The following NMNAT1 variants were observed in gnomAD, a reference collection of about 807,000 sequenced individuals.
NMNAT1 encodes the protein nicotinamide/nicotinic acid mononucleotide adenylyltransferase 1.
NMNAT1 carries 11 observed loss-of-function variants against 16.7 expected under a neutral mutation model. That is an observed-to-expected ratio of 0.66 (90% CI 0.41 to 1.09). NMNAT1 has a LOEUF of 1.09. Ranked by LOEUF, NMNAT1 falls within the 50% of genes least tolerant of loss-of-function variation. The probability of loss-of-function intolerance (pLI) is 0.00; values close to 1 mark genes in which losing one functional copy is unlikely to be tolerated. For synonymous variants in NMNAT1, 110 were observed against 119.8 expected (o/e 0.92, Z 0.53); for missense variants, 280 against 332.3 (o/e 0.84, Z 1.22).
In NMNAT1 at chr1:9,982,314, C is replaced by G. The variant is rs747791300; in HGVS notation, c.453C>G (p.Val151=). ...LEPKTKAVPK[V]KLLCGADLLE... ...TATTCTTCCCAGCTGTGCCAAAGGT[C>G]AAGCTGCTGTGTGGGGCAGATTTAT... The change falls in exon 5 of 5, where the codon GTC becomes GTG. Residue 151 remains valine (V), a synonymous_variant. Transcript: ENST00000377205. The G allele has an allele frequency of 6.8e-6, 11 of 1,611,846 alleles. No individual in the cohort carries two copies. Among genetic ancestry groups the G allele is most frequent in the Non-Finnish European group, 9.3e-6 (11 of 1,178,654 alleles).
intron 1 of NMNAT1, among the ~76,000 whole-genome samples, chr1:9,957,772 G>C (rs961917999): frequency 6.6e-6 from 1 of 152,096 alleles, no homozygotes; most frequent in African/African-American, 2.4e-5. Flanking sequence ...ACTCCCCCTC[G>C]CTTAAGTAGA....
chr1:9,958,601 G>A (rs952075432), intron 1 of NMNAT1, among the ~76,000 whole-genome samples: 3 of 151,800 alleles, frequency 2.0e-5, no homozygotes, highest in South Asian at 2.1e-4. Context: ...CACCATGCCC[G>A]ACTAATTTTT....
At chr1:9,963,167 G>T (rs577820771) in intron 1 of NMNAT1, among the ~76,000 whole-genome samples, 1 of 151,932 alleles carries the variant, frequency 6.6e-6, no homozygotes, top group African/African-American at 2.4e-5. Context: ...TTTCTTCTTG[G>T]TGAGAGAGCT....
At chr1:9,987,221 T>C (rs905683373), downstream of NMNAT1, among the ~76,000 whole-genome samples, 3 of 151,152 alleles carry the variant, frequency 2.0e-5, no homozygotes, top group African/African-American at 4.9e-5. Context: ...ACAAAACAAG[T>C]GTACTAAGTC....
intron 1 of NMNAT1, among the ~76,000 whole-genome samples, chr1:9,969,274 G>A (rs942269267): frequency 6.6e-6 from 1 of 152,090 alleles, no homozygotes; most frequent in Non-Finnish European, 1.5e-5. Flanking sequence ...TAGAGAAATA[G>A]AGATGATAAT....
downstream of NMNAT1, among the ~76,000 whole-genome samples, chr1:9,988,187 A>G (rs1013886540): frequency 6.6e-6 from 1 of 152,034 alleles, no homozygotes; most frequent in Non-Finnish European, 1.5e-5. Flanking sequence ...TAATAGAGAC[A>G]GGGTTTCTCC....
chr1:9,955,153 A>C (rs759304071), intron 1 of NMNAT1, among the ~76,000 whole-genome samples: 1 of 152,048 alleles, frequency 6.6e-6, no homozygotes, highest in African/African-American at 2.4e-5. Flanking sequence ...CTGTAATCCC[A>C]GCACTTTGGA....
chr1:9,952,689 C>T (rs1025294257), intron 1 of NMNAT1, among the ~76,000 whole-genome samples: 1 of 151,918 alleles, frequency 6.6e-6, no homozygotes, highest in Non-Finnish European at 1.5e-5. Context: ...AGGTGTGCAC[C>T]ACCACTTCTG....
chr1:9,976,264 G>T (rs1247676539), intron 3 of NMNAT1, among the ~76,000 whole-genome samples: 1 of 149,652 alleles, frequency 6.7e-6, no homozygotes, highest in Non-Finnish European at 1.5e-5. Flanking sequence ...TCCAGCCTGG[G>T]TGACAGAGCG....
At chr1:9,992,078 T>G in the NMNAT1 span, among the ~76,000 whole-genome samples, 4 of 123,886 alleles carry the variant, frequency 3.2e-5, no homozygotes, top group East Asian at 9.2e-4. Flanking sequence ...ATAAATACTT[T>G]AGGTTTAGAT....
upstream of NMNAT1, chr1:9,943,015 G>T (rs1557449669): frequency 3.1e-6 from 1 of 327,424 alleles, no homozygotes; most frequent in African/African-American, 2.2e-5. Context: ...AAACCCAGAG[G>T]CTTGGAAAAG....
At chr1:9,959,087 C>G (rs2101660850) in intron 1 of NMNAT1, among the ~76,000 whole-genome samples, 1 of 152,196 alleles carries the variant, frequency 6.6e-6, no homozygotes, top group East Asian at 1.9e-4. Flanking sequence ...GTAAGAAAAT[C>G]TTGGTCGGGC....
chr1:9,959,050 ATTACGTGTACG>A (rs1440557506), intron 1 of NMNAT1, among the ~76,000 whole-genome samples: 1 of 152,194 alleles, frequency 6.6e-6, no homozygotes, highest in East Asian at 1.9e-4. Context: ...TTCTTTTGAG[ATTACGTGTACG>A]TAGTTTCCAT....
the NMNAT1 span, among the ~76,000 whole-genome samples, chr1:9,994,313 A>G: frequency 6.6e-6 from 1 of 151,872 alleles, no homozygotes; most frequent in Non-Finnish European, 1.5e-5. Context: ...GGGTTTCACC[A>G]TGTTAGCCAG....
intron 1 of NMNAT1, among the ~76,000 whole-genome samples, chr1:9,968,395 G>A (rs568099164): frequency 2.1e-4 from 31 of 150,982 alleles, no homozygotes; most frequent in African/African-American, 7.5e-4. Context: ...TCTATGTCTT[G>A]GATCTGTATT....
chr1:9,955,331 G>A (rs1641229241), intron 1 of NMNAT1, among the ~76,000 whole-genome samples: 1 of 151,814 alleles, frequency 6.6e-6, no homozygotes, highest in Non-Finnish European at 1.5e-5. Context: ...TTGAACCCGG[G>A]AGGCGGAGGT....
At chr1:9,991,276 C>G in the NMNAT1 span, among the ~76,000 whole-genome samples, 1 of 151,986 alleles carries the variant, frequency 6.6e-6, no homozygotes, top group East Asian at 1.9e-4. Flanking sequence ...ACTTCTGCCT[C>G]CCGGGTTCAA....
chr1:9,963,772 T>C (rs989457535), intron 1 of NMNAT1, among the ~76,000 whole-genome samples: 4 of 152,048 alleles, frequency 2.6e-5, no homozygotes, highest in African/African-American at 9.7e-5. Context: ...TATCCAAAGG[T>C]CGAAGATTAA....
At chr1:9,973,247 G>A (rs1381042134) in intron 2 of NMNAT1, among the ~76,000 whole-genome samples, 1 of 152,032 alleles carries the variant, frequency 6.6e-6, no homozygotes, top group Non-Finnish European at 1.5e-5. Context: ...CTCCTGAGTA[G>A]CTGGGATTAC....
Sources: allele counts gnomAD v4.1 joint callset (sites outside exome capture counted in the v4.1 genomes callset), GRCh38; gene constraint gnomAD v4.1.1; transcripts MANE v1.5; gene names NCBI Gene and HGNC (gene_info 2026-07-23, HGNC 2026-07-21).